Variants in ESRRG observed in about 807,000 individuals in gnomAD.
ESRRG encodes estrogen-related receptor gamma.
ESRRG carries 13 observed loss-of-function variants against 44.0 expected under a neutral mutation model. The ratio of observed to expected loss-of-function variants is 0.30; its 90% CI spans 0.19 to 0.47. The LOEUF is 0.47. Ranked by LOEUF, ESRRG falls within the 20% of genes least tolerant of loss-of-function variation. The probability of loss-of-function intolerance (pLI) is 1.00; values close to 1 mark genes in which losing one functional copy is unlikely to be tolerated. For missense variants in ESRRG, 395 were observed against 580.6 expected, an observed-to-expected ratio of 0.68 and a Z score of 3.29; for synonymous variants, 215 against 214.6, an observed-to-expected ratio of 1.00 and a Z score of -0.02.
At chr1:216,918,681 CTGAT>C (rs1248748769) in intron 2 of ESRRG, among the ~76,000 whole-genome samples, 1 of 151,836 alleles carries the variant, frequency 6.6e-6, no homozygotes, top group African/African-American at 2.4e-5. Flanking sequence ...CAGTGATAAA[CTGAT>C]TGTGCTTTGA....
At chr1:216,883,699 C>T (rs997882801) in intron 2 of ESRRG, among the ~76,000 whole-genome samples, 7 of 152,184 alleles carry the variant, frequency 4.6e-5, no homozygotes, top group Admixed American at 2.6e-4. Flanking sequence ...AGCTGCTGCT[C>T]TCCAACTAAT....
chr1:216,991,540 G>T (rs1366737137), intron 1 of ESRRG, among the ~76,000 whole-genome samples: 1 of 151,892 alleles, frequency 6.6e-6, no homozygotes, highest in African/African-American at 2.4e-5. Flanking sequence ...ATAGCTAATT[G>T]ATAAGTAAAT....
chr1:216,711,151 G>T (rs2083507511), intron 1 of ESRRG, among the ~76,000 whole-genome samples: 1 of 152,230 alleles, frequency 6.6e-6, no homozygotes, highest in Non-Finnish European at 1.5e-5. Context: ...CTGGGAGCCA[G>T]GTTCTGCCGC....
chr1:216,503,557 A>G lies in ESRRG; in HGVS notation c.*3382T>C, dbSNP rs1052575600. 19 of 152,418 alleles carry G rather than the reference A, an allele frequency of 1.2e-4. No homozygotes were observed. 9.4% of individuals were successfully genotyped at this position (152,418 alleles called of 1,614,324 possible). A position where few individuals can be genotyped will look rare whatever the true frequency, so the allele number is the denominator to read the frequency against. On this transcript the variant is annotated 3_prime_UTR_variant, in exon 7 of 7. Transcript: ENST00000408911. ...GCTATAATGCAACTCCTGGATTATT[A>G]TAAGCAGTTTAAATTTTTTGTCCTT... is the stretch of plus-strand genomic sequence containing the variant.
intron 2 of ESRRG, among the ~76,000 whole-genome samples, chr1:216,777,347 G>A (rs910720594): frequency 3.9e-5 from 6 of 152,118 alleles, no homozygotes; most frequent in African/African-American, 1.4e-4. Flanking sequence ...TGTCCCCGCA[G>A]TTGAGCTGTC....
intron 2 of ESRRG, among the ~76,000 whole-genome samples, chr1:216,939,355 A>AC (rs1238041375): frequency 8.9e-5 from 8 of 89,822 alleles, no homozygotes; most frequent in Admixed American, 3.7e-4. Flanking sequence ...AAAAAAAAAA[A>AC]AAAAAAAAAA....
intron 2 of ESRRG, among the ~76,000 whole-genome samples, chr1:216,923,852 G>A (rs544995891): frequency 2.0e-5 from 3 of 152,128 alleles, no homozygotes; most frequent in Non-Finnish European, 2.9e-5. Flanking sequence ...AAATGGGAGC[G>A]TTCCAGGAAA....
intron 1 of ESRRG, among the ~76,000 whole-genome samples, chr1:217,006,034 G>T (rs1302148701): frequency 6.6e-6 from 1 of 152,076 alleles, no homozygotes; most frequent in African/African-American, 2.4e-5. Flanking sequence ...ACACAACTGA[G>T]TCCAGTTTGA....
intron 2 of ESRRG, among the ~76,000 whole-genome samples, chr1:216,760,240 AT>A (rs550980068): frequency 2.9e-5 from 4 of 138,236 alleles, no homozygotes; most frequent in Non-Finnish European, 4.6e-5. Context: ...CTTAGAATAA[AT>A]TTTTTTTCTC....
chr1:217,133,320 A>T (rs1558297615), intron 1 of ESRRG, among the ~76,000 whole-genome samples: 1 of 152,248 alleles, frequency 6.6e-6, no homozygotes, highest in Non-Finnish European at 1.5e-5. Context: ...GACTACAAAC[A>T]CTATGCTCCC....
intron 2 of ESRRG, among the ~76,000 whole-genome samples, chr1:216,926,855 G>GGAATGCT (rs545822967): frequency 3.2e-4 from 49 of 152,198 alleles, no homozygotes; most frequent in Admixed American, 7.9e-4. Context: ...AGCGCCGGGT[G>GGAATGCT]GAATGCTGAA....
At chr1:216,665,484 A>G (rs1048230577) in intron 2 of ESRRG, among the ~76,000 whole-genome samples, 4 of 152,216 alleles carry the variant, frequency 2.6e-5, no homozygotes, top group African/African-American at 4.8e-5. Flanking sequence ...GGAGATATCT[A>G]GAGCAGCCAA....
chr1:216,688,361 G>C (rs895457014), intron 1 of ESRRG, among the ~76,000 whole-genome samples: 1 of 152,158 alleles, frequency 6.6e-6, no homozygotes, highest in Admixed American at 6.5e-5. Context: ...AGAGAACAGA[G>C]GCAAGCTGCT....
At chr1:216,685,182 G>C (rs887401247) in intron 1 of ESRRG, among the ~76,000 whole-genome samples, 5 of 152,054 alleles carry the variant, frequency 3.3e-5, no homozygotes, top group East Asian at 1.9e-4. Context: ...GCCCAGGGTA[G>C]AGTCTAACAG....
rs78595913 is a variant in ESRRG at position 216,993,340 on chromosome 1, A to C, written c.-105-53667T>G. On this transcript the variant is annotated intron_variant, in intron 1 of 7. Transcript: ENST00000359162. ...CCTCCTTCTCCTACCTTTCTATGGC[A>C]CAACTGAAATCTCCACTTCTCACTT... Among the ~76,000 whole-genome samples, 1,216 of 152,278 alleles carry C rather than the reference A, an allele frequency of 8.0e-3. 17 individuals carry two copies. Among genetic ancestry groups the C allele is most frequent in the African/African-American group, 0.028 (1,159 of 41,552 alleles).
chr1:217,020,239 T>C (rs1322505963), intron 1 of ESRRG, among the ~76,000 whole-genome samples: 1 of 152,172 alleles, frequency 6.6e-6, no homozygotes, highest in East Asian at 1.9e-4. Flanking sequence ...CACAGTACCA[T>C]ATTTTAAAAA....
chr1:216,980,319 C>T (rs1031338838), intron 1 of ESRRG, among the ~76,000 whole-genome samples: 1 of 152,160 alleles, frequency 6.6e-6, no homozygotes, highest in African/African-American at 2.4e-5. Context: ...GTGTGTTCAA[C>T]TGCCTTTTAG....
intron 1 of ESRRG, among the ~76,000 whole-genome samples, chr1:216,942,736 C>T (rs2065454954): frequency 6.6e-6 from 1 of 152,076 alleles, no homozygotes; most frequent in African/African-American, 2.4e-5. Context: ...TGTTTATGTT[C>T]TTAGCCCAAT....
chr1:216,548,277 A>G (rs1410906903), intron 5 of ESRRG, among the ~76,000 whole-genome samples: 1 of 152,082 alleles, frequency 6.6e-6, no homozygotes, highest in Non-Finnish European at 1.5e-5. Context: ...TTATAAGTTG[A>G]TTATGTTGAT....
Sources: gnomAD v4.1 joint callset for allele counts (sites outside exome capture counted in the v4.1 genomes callset) on GRCh38, gnomAD v4.1.1 for gene constraint, MANE v1.5 for transcripts, NCBI Gene and HGNC (gene_info 2026-07-23, HGNC 2026-07-21) for gene names.